NCOA6: variants seen among roughly 807,000 people sequenced by gnomAD.
NCOA6 encodes the protein NRC RAP250.
A neutral mutation model predicts 171.4 loss-of-function variants in NCOA6; 49 were observed. That is an observed-to-expected ratio of 0.29 (90% CI 0.23 to 0.36). The LOEUF (loss-of-function observed/expected upper bound fraction) is 0.36, where lower values mean the gene tolerates loss of function less well. Among genes scored for constraint, NCOA6 ranks in the 10% least tolerant of loss-of-function variants. The pLI is 1.00. For synonymous variants in NCOA6, 910 were observed against 927.5 expected (o/e 0.98, Z 0.34); for missense variants, 2,248 against 2,554.5 (o/e 0.88, Z 2.59).
At chr20:34,744,143 T>C (rs2076234358) in intron 10 of NCOA6, among the ~76,000 whole-genome samples, 1 of 152,204 alleles carries the variant, frequency 6.6e-6, no homozygotes, top group South Asian at 2.1e-4. Context: ...CAAATCTCTA[T>C]TTGGAGAAAT....
At chr20:34,752,420 G>A (rs1162735556) in intron 8 of NCOA6, among the ~76,000 whole-genome samples, 1 of 152,136 alleles carries the variant, frequency 6.6e-6, no homozygotes, top group Non-Finnish European at 1.5e-5. Context: ...ATACATAGAA[G>A]GCACTTTGGT....
intron 1 of NCOA6, among the ~76,000 whole-genome samples, chr20:34,803,195 T>A (rs2078314848): frequency 6.6e-6 from 1 of 152,138 alleles, no homozygotes; most frequent in Admixed American, 6.6e-5. Flanking sequence ...AGGTCAGGCA[T>A]GATGGCTCAC....
chr20:34,739,042 A>G (rs1188596575), intron 11 of NCOA6: 1 of 433,154 alleles, frequency 2.3e-6, no homozygotes, highest in African/African-American at 2.0e-5. Flanking sequence ...GAGCTTCTTC[A>G]CTTAAGCCTC....
chr20:34,800,350 C>T (rs545965034), intron 1 of NCOA6, among the ~76,000 whole-genome samples: 219 of 152,076 alleles, frequency 1.4e-3, no homozygotes, highest in Middle Eastern at 3.4e-3. Context: ...AATAACAAAA[C>T]GGCAGGAATA....
intron 1 of NCOA6, among the ~76,000 whole-genome samples, chr20:34,797,399 A>G (rs899397995): frequency 6.6e-6 from 1 of 152,098 alleles, no homozygotes; most frequent in Non-Finnish European, 1.5e-5. Context: ...CTTGAAAGGA[A>G]GGACTCAGCC....
At chr20:34,814,124 T>C (rs750071212) in intron 1 of NCOA6, among the ~76,000 whole-genome samples, 1 of 151,892 alleles carries the variant, frequency 6.6e-6, no homozygotes, top group Admixed American at 6.6e-5. Flanking sequence ...AGGTCAGGAG[T>C]TCGAGACCAG....
chr20:34,754,576 T>C (rs2076588065), intron 8 of NCOA6, 146 bp downstream of exon 8: 8 of 948,170 alleles, frequency 8.4e-6, no homozygotes, highest in Admixed American at 2.8e-5. Flanking sequence ...TGACAAAAGT[T>C]ACTGCCCTGA....
chr20:34,811,626 C>T (rs1462121564), intron 1 of NCOA6, among the ~76,000 whole-genome samples: 5 of 152,146 alleles, frequency 3.3e-5, no homozygotes, highest in Non-Finnish European at 7.3e-5. Context: ...ATTTATTTGA[C>T]TACCCTTTAC....
intron 2 of NCOA6, among the ~76,000 whole-genome samples, chr20:34,790,983 T>A (rs929717560): frequency 4.6e-5 from 7 of 152,120 alleles, no homozygotes; most frequent in African/African-American, 1.7e-4. Flanking sequence ...ATAAGTAAAT[T>A]CACAGAGACA....
rs185521738 is a variant in NCOA6 at position 34,736,824 on chromosome 20, C to T, written c.5894-66G>A. On this transcript the variant is annotated intron_variant, in intron 11 of 14. Coordinates refer to ENST00000359003, the MANE Select transcript of NCOA6 (RefSeq NM_014071.5). ...TTTCTAAACAAAAAGAAAGCATTAA[C>T]CTAATCAAGGGCTAAGTAACTGCTG... The T allele has an allele frequency of 5.4e-5, 76 of 1,406,246 alleles. No individual in the cohort carries two copies. The Admixed American group carries it at 1.2e-3, about 22-fold the overall frequency. The allele number at this position is 1,406,246 out of a possible 1,614,324, so 87.1% of individuals were successfully genotyped here.
chr20:34,754,013 T>C (rs943615750), intron 8 of NCOA6, among the ~76,000 whole-genome samples: 1 of 152,240 alleles, frequency 6.6e-6, no homozygotes, highest in Non-Finnish European at 1.5e-5. Context: ...GCTTTGCAAA[T>C]ACTTTTTAGC....
Position 34,741,569 on chromosome 20 carries a change from C to T in NCOA6, c.4687G>A (p.Glu1563Lys), listed in dbSNP as rs1271780996. ...ACGTTAGAACTGACCTCACTCAATT[C>T]GGGATGCACAAGGGATGAACACAGC... is the stretch of plus-strand genomic sequence containing the variant. ...NELCSSLVHP[E>K]LSEVSSNVAP... The change falls in exon 11 of 15, where the codon GAA (glutamate) becomes AAA (lysine). Residue 1563 changes from glutamate (E) to lysine (K), a missense_variant. Transcript: ENST00000359003. The T allele has an allele frequency of 6.2e-7, 1 of 1,614,098 alleles. No individual in the cohort carries two copies. Among genetic ancestry groups the T allele is most frequent in the South Asian group, 1.1e-5 (1 of 91,064 alleles).
intron 14 of NCOA6, among the ~76,000 whole-genome samples, chr20:34,719,066 G>GA (rs545958977): frequency 4.7e-4 from 71 of 152,306 alleles, no homozygotes; most frequent in African/African-American, 1.3e-3. Context: ...AAAGAACTGG[G>GA]TCAATAATAG....
rs768171771 is a variant in NCOA6 at position 34,740,468 on chromosome 20, C to T, written c.5788G>A (p.Val1930Ile). 3.9e-5 allele frequency: 63 copies of T among 1,614,042 alleles called. No individual in the cohort carries two copies. The highest frequency in any genetic ancestry group is 4.9e-5 in the Non-Finnish European group (58 of 1,180,044). The change falls in exon 11 of 15, where the codon GTA (valine) becomes ATA (isoleucine). Residue 1930 changes from valine to isoleucine, a missense_variant. Val to Ile is a conservative substitution (Grantham distance 29, BLOSUM62 3). Around this residue, in one of 7 missense-constraint regions of NCOA6, gnomAD observed 884 missense variants for 941.9 expected, o/e 0.94. Coordinates refer to ENST00000359003, the MANE Select transcript of NCOA6 (RefSeq NM_014071.5). ...CCATGATTGCTTTTTGTGGTCGGTA[C>T]GGCGGAGATGAGCTCGGAGGGTACC... ...TLVPSELISA[V>I]PTTKSNHGGI...
intron 2 of NCOA6, among the ~76,000 whole-genome samples, chr20:34,787,020 G>A (rs752418894): frequency 5.9e-5 from 9 of 151,690 alleles, no homozygotes; most frequent in East Asian, 1.9e-4. Flanking sequence ...AACTATCATC[G>A]GAGTGAACAG....
At chr20:34,721,974 G>A (rs1989397313) in intron 14 of NCOA6, among the ~76,000 whole-genome samples, 2 of 144,496 alleles carry the variant, frequency 1.4e-5, no homozygotes, top group African/African-American at 5.1e-5. Context: ...AGGCTTGCTT[G>A]AGCCCAAGAG....
At chr20:34,809,305 T>C (rs1243702938) in intron 1 of NCOA6, 2 of 393,350 alleles carry the variant, frequency 5.1e-6, no homozygotes, top group African/African-American at 4.1e-5. Flanking sequence ...ACATGCCAAA[T>C]GCAGCTTGCC....
Position 34,758,065 on chromosome 20 carries a change from T to G in NCOA6, c.683A>C (p.Gln228Pro). The part of the protein sequence containing the change: ...DPLLSGLHIQ[Q>P]QSHPSGSLAP... The stretch of plus-strand genomic sequence containing the variant: ...TAAAGATCCTGAGGGATGACTTTGC[T>G]GCTGTATATGGAGCCCAGAGAGGAG... The change falls in exon 7 of 15, where the codon CAG becomes CCG. Residue 228 changes from glutamine to proline, a missense_variant. By Grantham distance (76) the Gln-to-Pro change is moderately conservative. This residue lies in a region of NCOA6 where 987 missense variants were observed against 1,104.7 expected (regional missense o/e 0.89). Coordinates refer to ENST00000359003, the MANE Select transcript of NCOA6 (RefSeq NM_014071.5). 1 of 1,614,008 alleles carries G rather than the reference T, an allele frequency of 6.2e-7. No individual in the cohort carries two copies. Among genetic ancestry groups the G allele is most frequent in the Non-Finnish European group, 8.5e-7 (1 of 1,179,880 alleles).
intron 2 of NCOA6, among the ~76,000 whole-genome samples, chr20:34,788,841 G>A (rs2077770345): frequency 6.6e-6 from 1 of 152,188 alleles, no homozygotes; most frequent in African/African-American, 2.4e-5. Flanking sequence ...GCTACTGGGA[G>A]GCTAAGGCAG....
Sources: gnomAD v4.1 joint callset for allele counts (sites outside exome capture counted in the v4.1 genomes callset) on GRCh38, gnomAD v4.1.1 for gene constraint, gnomAD v4.1.1 regional missense constraint, MANE v1.5 for transcripts, NCBI Gene and HGNC (gene_info 2026-07-23, HGNC 2026-07-21) for gene names.